The following RASGRF1 variants were observed in gnomAD, a reference collection of about 807,000 sequenced individuals.
RASGRF1 encodes Ras protein specific guanine nucleotide releasing factor 1, also known as ras-specific guanine nucleotide-releasing factor 1.
In RASGRF1, 40 loss-of-function variants were observed where a neutral mutation model predicts 138.7. The ratio of observed to expected loss-of-function variants is 0.29; its 90% CI spans 0.22 to 0.38. The LOEUF (loss-of-function observed/expected upper bound fraction) is 0.38. Ranked by LOEUF, RASGRF1 falls within the 10% of genes least tolerant of loss-of-function variation. The pLI, the probability that RASGRF1 is intolerant of heterozygous loss-of-function variation, is 1.00. For synonymous variants in RASGRF1, 614 were observed against 663.2 expected (o/e 0.93, Z 1.14); for missense variants, 1,108 against 1,650.4 (o/e 0.67, Z 5.69).
chr15:79,039,048 G>A (rs1471146157), intron 5 of RASGRF1, among the ~76,000 whole-genome samples: 3 of 152,012 alleles, frequency 2.0e-5, no homozygotes, highest in African/African-American at 7.3e-5. Flanking sequence ...GCCAGGTGAG[G>A]TGGCTCACGC....
chr15:78,973,592 C>G lies in RASGRF1; in HGVS notation c.3495-172G>C, dbSNP rs1362013507. ...TATTCTACACGCCCAGGACTGTCGGCTGGGTCTCAGGGCCAGTCCTCTGGG... is the reference window on the plus strand; with the variant it reads ...TATTCTACACGCCCAGGACTGTCGGGTGGGTCTCAGGGCCAGTCCTCTGGG... On this transcript the variant is annotated intron_variant, in intron 24 of 26. Transcript: ENST00000558480. The surrounding 1 kb of genome is among the most constrained non-coding windows in gnomAD (Gnocchi z 4.9). Among the ~76,000 whole-genome samples, 2 of 152,124 alleles carry G rather than the reference C, an allele frequency of 1.3e-5. No individual in the cohort carries two copies. The highest frequency in any genetic ancestry group is 2.9e-5 in the Non-Finnish European group (2 of 67,996).
chr15:79,015,110 T>TAA (rs946203954), intron 13 of RASGRF1, among the ~76,000 whole-genome samples: 1 of 147,076 alleles, frequency 6.8e-6, no homozygotes, highest in Non-Finnish European at 1.5e-5. Context: ...ATAAAAAATT[T>TAA]AAAAAAAAAA....
rs2056240978 is a variant in RASGRF1, at chr15:78,990,234, A to G, written c.3171T>C (p.Asn1057=). 1.2e-6 allele frequency: 2 copies of G among 1,610,360 alleles called. No individual in the cohort carries two copies. Among genetic ancestry groups the G allele is most frequent in the African/African-American group, 2.7e-5 (2 of 74,992 alleles). The change falls in exon 22 of 27, where the codon AAT becomes AAC. Residue 1057 remains asparagine, a synonymous_variant. Transcript: ENST00000558480. ...TTTTCATGATATAAGGGGTCCTTTCATTCTTTTCCAGTTTCATCCATCCTT... is the reference window on the plus strand; with the variant it reads ...TTTTCATGATATAAGGGGTCCTTTCGTTCTTTTCCAGTTTCATCCATCCTT... ...FGQGWMKLEK[N]ERTPYIMKTT...
chr15:79,015,376 T>G lies in RASGRF1; in HGVS notation c.1777A>C (p.Met593Leu). ...VDNIRCNGLMMNAFEENSKVT... is the reference protein window; with the variant it reads ...VDNIRCNGLMLNAFEENSKVT... Reference sequence around the variant, plus strand: ...TTGGAATTTTCTTCAAATGCGTTCATCATGAGCCCATTGCATCGGATGTTA... The same window carrying G: ...TTGGAATTTTCTTCAAATGCGTTCAGCATGAGCCCATTGCATCGGATGTTA... The change falls in exon 13 of 27, where the codon ATG (methionine) becomes CTG (leucine). Residue 593 changes from methionine to leucine, a missense_variant. This residue lies in a region of RASGRF1 where 686 missense variants were observed against 976.7 expected (regional missense o/e 0.70). Transcript: ENST00000558480. 6.2e-7 allele frequency: 1 copy of G among 1,614,106 alleles called. No individual in the cohort carries two copies. Among genetic ancestry groups the G allele is most frequent in the Non-Finnish European group, 8.5e-7 (1 of 1,179,946 alleles).
intron 12 of RASGRF1, among the ~76,000 whole-genome samples, chr15:79,017,069 T>A (rs2056889238): frequency 6.6e-6 from 1 of 152,212 alleles, no homozygotes; most frequent in African/African-American, 2.4e-5. Context: ...TCCTGGGGCC[T>A]AAACCCCGGT....
intron 24 of RASGRF1, among the ~76,000 whole-genome samples, chr15:78,976,116 C>A (rs1390393508): frequency 6.6e-6 from 1 of 152,092 alleles, no homozygotes; most frequent in Admixed American, 6.5e-5. Flanking sequence ...TTCTGACCAC[C>A]CAGATCAGTG....
intron 3 of RASGRF1, among the ~76,000 whole-genome samples, chr15:79,055,824 G>A (rs559976912): frequency 6.6e-6 from 1 of 152,268 alleles, no homozygotes; most frequent in Non-Finnish European, 1.5e-5. Context: ...AGACCCAAAG[G>A]CAGAAACTGT....
At chr15:78,988,527 G>T (rs1328061964) in intron 22 of RASGRF1, among the ~76,000 whole-genome samples, 5 of 152,210 alleles carry the variant, frequency 3.3e-5, no homozygotes, top group Non-Finnish European at 7.3e-5. Flanking sequence ...GCCCCAAAGG[G>T]CTCCTCCCCT....
chr15:78,962,204 T>C lies in RASGRF1; in HGVS notation c.3714A>G (p.Val1238=). ...ACTCGTAGAGGCTTTCTTCATCCAT[T>C]ACAAAAGATTGGTCCAGTAAATATT... is the stretch of plus-strand genomic sequence containing the variant. ...VTQYLLDQSF[V]MDEESLYESS... is the part of the protein sequence containing the mutation. The change falls in exon 27 of 27, where the codon GTA becomes GTG. Residue 1238 remains valine (V), a synonymous_variant. Transcript: ENST00000558480. 6.3e-7 allele frequency: 1 copy of C among 1,584,286 alleles called. No individual in the cohort carries two copies. Among genetic ancestry groups the C allele is most frequent in the Non-Finnish European group, 8.6e-7 (1 of 1,160,350 alleles).
At chr15:78,974,412 C>T (rs533394734) in intron 24 of RASGRF1, among the ~76,000 whole-genome samples, 5 of 152,242 alleles carry the variant, frequency 3.3e-5, no homozygotes, top group South Asian at 2.1e-4. Context: ...AAGGTGAGGC[C>T]GGGAGGATGA....
intron 2 of RASGRF1, among the ~76,000 whole-genome samples, chr15:79,061,413 A>ATATATATATATATATAT (rs1567598878): frequency 0.012 from 1,413 of 116,926 alleles, 58 homozygotes; most frequent in African/African-American, 0.04. Flanking sequence ...CTATCTTTAA[A>ATATATATATATATATAT]ATATATATAT....
intron 22 of RASGRF1, 65 bp from the exon 23 acceptor site, chr15:78,985,269 A>C (rs779570128): frequency 7.1e-7 from 1 of 1,413,758 alleles, no homozygotes; most frequent in Non-Finnish European, 9.8e-7. Context: ...ATAAATGGTC[A>C]CTATTTGCAG....
chr15:79,007,857 T>C (rs1474950447), intron 13 of RASGRF1, among the ~76,000 whole-genome samples: 3 of 151,408 alleles, frequency 2.0e-5, no homozygotes, highest in Non-Finnish European at 4.4e-5. Flanking sequence ...CCAGACTATC[T>C]AGTTTTTCTT....
chr15:78,982,675 C>G (rs181600081), intron 23 of RASGRF1, among the ~76,000 whole-genome samples: 64 of 152,132 alleles, frequency 4.2e-4, no homozygotes, highest in African/African-American at 1.5e-3. Flanking sequence ...ATTTTGTGGT[C>G]TCCTAAATTC....
chr15:78,966,060 GGC>G (rs1189050976), intron 26 of RASGRF1, among the ~76,000 whole-genome samples: 7 of 152,102 alleles, frequency 4.6e-5, no homozygotes, highest in African/African-American at 1.7e-4. Flanking sequence ...GCTGTTAATT[GGC>G]CAGGGAGCCA....
intron 5 of RASGRF1, among the ~76,000 whole-genome samples, chr15:79,045,949 C>A (rs913039213): frequency 2.6e-5 from 4 of 152,194 alleles, no homozygotes; most frequent in African/African-American, 9.7e-5. Flanking sequence ...TCTTAGATGA[C>A]ATTCCATTGT....
In RASGRF1 at chr15:78,998,186, A is replaced by G; in HGVS notation, c.2876T>C (p.Leu959Pro). The G allele has an allele frequency of 1.9e-6, 3 of 1,613,998 alleles. No homozygotes were observed. The highest frequency in any genetic ancestry group is 2.5e-6 in the Non-Finnish European group (3 of 1,179,964). The change falls in exon 19 of 27, where the codon CTC becomes CCC. Residue 959 changes from leucine (L) to proline (P), a missense_variant. By Grantham distance (98) the Leu-to-Pro change is moderately conservative. Coordinates refer to ENST00000558480, the MANE Select transcript of RASGRF1 (RefSeq NM_001145648.3). ...CAGGAAGCCGATCACCTTGCATTTGAGCTCATCGTTGGTCTCAAAGTCCTG... is the reference window on the plus strand; with the variant it reads ...CAGGAAGCCGATCACCTTGCATTTGGGCTCATCGTTGGTCTCAAAGTCCTG... ...HSQDFETNDE[L>P]KCKVIGFLEE... is the part of the protein sequence containing the mutation.
At chr15:79,055,215 C>G (rs2057494654) in intron 3 of RASGRF1, among the ~76,000 whole-genome samples, 1 of 152,176 alleles carries the variant, frequency 6.6e-6, no homozygotes, top group African/African-American at 2.4e-5. Context: ...GCCTTCCTCA[C>G]TGGTGGCACT....
intron 1 of RASGRF1, among the ~76,000 whole-genome samples, chr15:79,071,300 C>A (rs1321760272): frequency 6.6e-6 from 1 of 152,070 alleles, no homozygotes; most frequent in Non-Finnish European, 1.5e-5. Context: ...ATTTCCTTTC[C>A]TCTCTGTTCT....
Sources: gnomAD v4.1 joint callset for allele counts (sites outside exome capture counted in the v4.1 genomes callset) on GRCh38, gnomAD v4.1.1 for gene constraint, gnomAD v4.1.1 regional missense constraint, Gnocchi (gnomAD v3.1) non-coding constraint, MANE v1.5 for transcripts, NCBI Gene and HGNC (gene_info 2026-07-23, HGNC 2026-07-21) for gene names.